Variants in PTPRD observed in about 807,000 individuals in gnomAD.
PTPRD encodes protein tyrosine phosphatase receptor type D.
In PTPRD, 34 loss-of-function variants were observed where a neutral mutation model predicts 214.5. The observed-to-expected ratio is 0.16, with a 90% CI of 0.12 to 0.21. PTPRD has a LOEUF of 0.21. PTPRD is among the 10% of genes least tolerant of loss of function. The probability of loss-of-function intolerance (pLI) is 1.00; values close to 1 mark genes in which losing one functional copy is unlikely to be tolerated. For missense variants in PTPRD, 2,545 were observed against 2,398.7 expected, an observed-to-expected ratio of 1.06 and a Z score of -1.27; for synonymous variants, 1,128 against 845.7, an observed-to-expected ratio of 1.33 and a Z score of -5.79.
chr9:8,463,395 C>A (rs983392293), intron 32 of PTPRD, among the ~76,000 whole-genome samples: 7 of 134,466 alleles, frequency 5.2e-5, no homozygotes, highest in African/African-American at 8.3e-5. Flanking sequence ...ATCTAAGAAA[C>A]ATGATTTTTT....
chr9:10,247,752 G>A (rs1329975822), intron 3 of PTPRD, among the ~76,000 whole-genome samples: 1 of 152,092 alleles, frequency 6.6e-6, no homozygotes, highest in Non-Finnish European at 1.5e-5. Flanking sequence ...AGAAAGAAGT[G>A]GCAAGGGAGA....
chr9:8,893,587 A>G (rs1374484473), intron 11 of PTPRD, among the ~76,000 whole-genome samples: 3 of 152,168 alleles, frequency 2.0e-5, no homozygotes, highest in Non-Finnish European at 4.4e-5. Context: ...GAGAGCTCTT[A>G]TGGCTTTTTG....
intron 4 of PTPRD, among the ~76,000 whole-genome samples, chr9:9,987,119 T>C (rs1273910563): frequency 6.6e-6 from 1 of 152,126 alleles, no homozygotes; most frequent in Non-Finnish European, 1.5e-5. Flanking sequence ...GATTAGACTG[T>C]AACTCAATAG....
At chr9:8,423,826 T>G (rs1379894312) in intron 35 of PTPRD, among the ~76,000 whole-genome samples, 1 of 152,162 alleles carries the variant, frequency 6.6e-6, no homozygotes, top group Non-Finnish European at 1.5e-5. Context: ...TCTGCTTTTT[T>G]TTTCCTTGAT....
intron 3 of PTPRD, among the ~76,000 whole-genome samples, chr9:10,082,959 A>C (rs2098268293): frequency 6.6e-6 from 1 of 151,994 alleles, no homozygotes; most frequent in Non-Finnish European, 1.5e-5. Flanking sequence ...TTCTTACTTT[A>C]AGAAAACAAC....
chr9:9,377,499 T>A (rs971275582), intron 9 of PTPRD, among the ~76,000 whole-genome samples: 2 of 152,166 alleles, frequency 1.3e-5, no homozygotes, highest in Non-Finnish European at 2.9e-5. Context: ...ATCTCATCCA[T>A]ATATACAACT....
intron 11 of PTPRD, 114 bp downstream of exon 11, chr9:9,018,583 A>G (rs933004116): frequency 4.6e-5 from 7 of 152,194 alleles, no homozygotes; most frequent in Non-Finnish European, 7.3e-5. Context: ...ACTCCATAAT[A>G]AAATTTCTAA....
At position 9,755,087 on chromosome 9, in the gene PTPRD, C is replaced by T. The variant is rs550807508; in HGVS notation, c.-326+11723G>A. 1.3e-4 allele frequency among the ~76,000 whole-genome samples: 19 copies of T among 152,000 alleles called. No homozygotes were observed. In the South Asian group the frequency reaches 3.1e-3, roughly 25 times the overall value. On this transcript the variant is annotated intron_variant, in intron 6 of 45. Coordinates refer to ENST00000381196, the MANE Select transcript of PTPRD (RefSeq NM_002839.4). Reference sequence around the variant, plus strand: ...GAATAAGAAATTTTGGGGAGATATACAAGAATCTGCATATTAAACAAGATC... The same window carrying T: ...GAATAAGAAATTTTGGGGAGATATATAAGAATCTGCATATTAAACAAGATC...
chr9:10,384,252 G>C (rs1812325088), intron 2 of PTPRD, among the ~76,000 whole-genome samples: 1 of 151,570 alleles, frequency 6.6e-6, no homozygotes, highest in South Asian at 2.1e-4. Flanking sequence ...TGAACAGTAT[G>C]CATTACATGC....
chr9:8,391,943 A>C (rs774437845), intron 36 of PTPRD, among the ~76,000 whole-genome samples: 6 of 151,824 alleles, frequency 4.0e-5, no homozygotes, highest in Non-Finnish European at 7.4e-5. Flanking sequence ...CATACTGCCC[A>C]AGTTTGAATA....
At chr9:10,227,491 G>C (rs2099592784) in intron 3 of PTPRD, among the ~76,000 whole-genome samples, 1 of 151,880 alleles carries the variant, frequency 6.6e-6, no homozygotes, top group South Asian at 2.1e-4. Flanking sequence ...GTCTCTCTGT[G>C]GTTCAGCTAT....
At chr9:8,563,757 G>A (rs2087543026) in intron 14 of PTPRD, among the ~76,000 whole-genome samples, 1 of 152,136 alleles carries the variant, frequency 6.6e-6, no homozygotes, top group Admixed American at 6.5e-5. Context: ...CACCCTCCAG[G>A]TTCAAGTGAT....
intron 38 of PTPRD, 60 bp from the exon 39 acceptor site, chr9:8,376,150 A>G: frequency 1.3e-6 from 2 of 1,586,212 alleles, no homozygotes; most frequent in Non-Finnish European, 1.7e-6. Context: ...GTAATGATGA[A>G]TAACAGGGAA....
At chr9:9,515,151 T>C (rs770060500) in intron 8 of PTPRD, among the ~76,000 whole-genome samples, 8 of 152,116 alleles carry the variant, frequency 5.3e-5, no homozygotes, top group Non-Finnish European at 1.2e-4. Flanking sequence ...GTTATTGTTA[T>C]TGACCGTGGT....
chr9:9,654,231 T>C (rs565923274), intron 7 of PTPRD, among the ~76,000 whole-genome samples: 2 of 152,178 alleles, frequency 1.3e-5, no homozygotes, highest in Non-Finnish European at 2.9e-5. Context: ...CTAATCTTAA[T>C]ATCTTTAGTA....
intron 12 of PTPRD, among the ~76,000 whole-genome samples, chr9:8,720,325 T>G (rs937921268): frequency 6.6e-6 from 1 of 152,208 alleles, no homozygotes; most frequent in Non-Finnish European, 1.5e-5. Flanking sequence ...AGAGTGAAAG[T>G]AGAAGCTTCC....
chr9:8,992,259 T>G (rs1277869607), intron 11 of PTPRD, among the ~76,000 whole-genome samples: 1 of 152,202 alleles, frequency 6.6e-6, no homozygotes, highest in Non-Finnish European at 1.5e-5. Flanking sequence ...ATTGACACCC[T>G]TCTTTCTAAG....
intron 3 of PTPRD, among the ~76,000 whole-genome samples, chr9:10,061,184 C>G (rs1456730585): frequency 6.6e-6 from 1 of 151,842 alleles, no homozygotes; most frequent in Non-Finnish European, 1.5e-5. Flanking sequence ...CACTGCTACC[C>G]TCCTATGTAA....
chr9:9,642,312 G>A, intron 7 of PTPRD, among the ~76,000 whole-genome samples: 1 of 147,066 alleles, frequency 6.8e-6, no homozygotes, highest in African/African-American at 2.5e-5. Context: ...TATACCTAAG[G>A]CTAGATGACG....
Sources: allele counts gnomAD v4.1 joint callset (sites outside exome capture counted in the v4.1 genomes callset), GRCh38; gene constraint gnomAD v4.1.1; transcripts MANE v1.5; gene names NCBI Gene and HGNC (gene_info 2026-07-23, HGNC 2026-07-21).